The following ADGRG3 variants were observed in gnomAD, a reference collection of about 807,000 sequenced individuals.
The protein encoded by ADGRG3 is G protein-coupled receptor 97.
ADGRG3 carries 39 observed loss-of-function variants against 54.3 expected under a neutral mutation model. That is an observed-to-expected ratio of 0.72 (90% CI 0.56 to 0.94). ADGRG3 has a LOEUF of 0.94. ADGRG3 is among the 40% of genes least tolerant of loss of function. The pLI is 0.00. For synonymous variants in ADGRG3, 312 were observed against 290.0 expected (o/e 1.08, Z -0.77); for missense variants, 654 against 694.6 (o/e 0.94, Z 0.66).
chr16:57,669,005 C>T (rs988934641), intron 1 of ADGRG3, among the ~76,000 whole-genome samples: 1 of 152,344 alleles, frequency 6.6e-6, no homozygotes, highest in South Asian at 2.1e-4. Context: ...TGGAAGTGCC[C>T]GGGCCTTGCC....
chr16:57,671,149 TC>T (rs1450709164), intron 1 of ADGRG3, among the ~76,000 whole-genome samples: 1 of 152,078 alleles, frequency 6.6e-6, no homozygotes, highest in Non-Finnish European at 1.5e-5. Context: ...GAAATAAGAT[TC>T]AATGTCATCC....
At chr16:57,666,033 G>A (rs2048050322), upstream of ADGRG3, among the ~76,000 whole-genome samples, 1 of 142,464 alleles carries the variant, frequency 7.0e-6, no homozygotes, top group Non-Finnish European at 1.5e-5. Context: ...TATGCCCCCA[G>A]CTCCAAAGGA....
At chr16:57,666,188 G>A (rs909252044), upstream of ADGRG3, among the ~76,000 whole-genome samples, 1 of 152,156 alleles carries the variant, frequency 6.6e-6, no homozygotes, top group Admixed American at 6.5e-5. Context: ...CTAGGTCCTG[G>A]GATGGGGGTT....
Position 57,668,463 on chromosome 16 carries a change from G to T in ADGRG3, c.58+58G>T, listed in dbSNP as rs1214134510. On this transcript the variant is annotated intron_variant, in intron 1 of 11. Coordinates refer to ENST00000333493, the MANE Select transcript of ADGRG3 (RefSeq NM_170776.5). Reference sequence around the variant, plus strand: ...CGCTGGGCCGACCCTGCCCTGCCGAGGGAGGGATCCAGGGACAGACGCAGG... The same window carrying T: ...CGCTGGGCCGACCCTGCCCTGCCGATGGAGGGATCCAGGGACAGACGCAGG... 7 of 1,456,674 alleles carry T rather than the reference G, an allele frequency of 4.8e-6. No individual in the cohort carries two copies. In the African/African-American group the frequency reaches 6.9e-5, roughly 14 times the overall value. The allele number at this position is 1,456,674 out of a possible 1,614,324, so 90.2% of individuals were successfully genotyped here.
Position 57,688,753 on chromosome 16 carries a change from T to A in ADGRG3, c.*292T>A. On this transcript the variant is annotated 3_prime_UTR_variant, in exon 12 of 12. Coordinates refer to ENST00000333493, the MANE Select transcript of ADGRG3 (RefSeq NM_170776.5). ...ATGCCCTGCCCTCATTGCAAAGCCC[T>A]CACTCACCTTCTGGTCTCAGCAAGG... 3.1e-6 allele frequency: 1 copy of A among 327,070 alleles called. No homozygotes were observed. The highest frequency in any genetic ancestry group is 5.8e-6 in the Non-Finnish European group (1 of 171,524). 20.3% of individuals were successfully genotyped at this position (327,070 alleles called of 1,614,324 possible). A position where few individuals can be genotyped will look rare whatever the true frequency, so the allele number is the denominator to read the frequency against.
intron 4 of ADGRG3, chr16:57,678,572 C>A: frequency 1.8e-6 from 1 of 544,172 alleles, no homozygotes; most frequent in East Asian, 3.1e-5. Flanking sequence ...TCTATGTGTC[C>A]TGTGGGTGCT....
In ADGRG3 at chr16:57,685,522, G is replaced by T. The variant is rs75814768; in HGVS notation, c.1257-121G>T. ...CCCCTCCCACAGCGGGAGAGCCAGG[G>T]ATTGATGGGTGGAAATGGGAGAGGC... On this transcript the variant is annotated intron_variant, in intron 10 of 11. Transcript: ENST00000333493. 1.2e-3 allele frequency: 1,154 copies of T among 942,198 alleles called. 20 individuals are homozygous for T. In the African/African-American group the frequency reaches 0.017, roughly 14 times the overall value. 58.4% of individuals were successfully genotyped at this position (942,198 alleles called of 1,614,324 possible). A position where few individuals can be genotyped will look rare whatever the true frequency, so the allele number is the denominator to read the frequency against.
At chr16:57,671,271 AG>A (rs2048151075) in intron 1 of ADGRG3, among the ~76,000 whole-genome samples, 1 of 150,126 alleles carries the variant, frequency 6.7e-6, no homozygotes, top group Admixed American at 6.6e-5. Flanking sequence ...CATTTTCTGG[AG>A]GGAAATTCAA....
At chr16:57,669,694 G>A (rs531635657) in intron 1 of ADGRG3, among the ~76,000 whole-genome samples, 15 of 152,144 alleles carry the variant, frequency 9.9e-5, no homozygotes, top group Middle Eastern at 3.4e-3. Context: ...CTCCATTTGC[G>A]CATTCATTCA....
upstream of ADGRG3, chr16:57,668,160 C>A: frequency 3.4e-6 from 2 of 594,698 alleles, no homozygotes; most frequent in Admixed American, 5.9e-5. Flanking sequence ...ACTGGGAGCA[C>A]TGCCCAGTTC....
rs1231824970 is a variant in ADGRG3, at chr16:57,679,047, G to T, written c.493-130G>T. 1.0e-5 allele frequency: 11 copies of T among 1,063,268 alleles called. No homozygotes were observed. The Admixed American group carries it at 2.1e-4, about 21-fold the overall frequency. The allele number at this position is 1,063,268 out of a possible 1,614,324, so 65.9% of individuals were successfully genotyped here. A position where few individuals can be genotyped will look rare whatever the true frequency, so the allele number is the denominator to read the frequency against. ...GCTGCCTGTGACTCCTTGGCTCCCT[G>T]GTCCCCTGGTCTCGAACTCTGCCCT... On this transcript the variant is annotated intron_variant, in intron 4 of 11. Transcript: ENST00000333493.
At chr16:57,671,720 G>A (rs1048079909) in intron 1 of ADGRG3, among the ~76,000 whole-genome samples, 1 of 152,164 alleles carries the variant, frequency 6.6e-6, no homozygotes, top group Non-Finnish European at 1.5e-5. Flanking sequence ...AACACAAGCT[G>A]AAAAGATGCA....
chr16:57,682,709 G>T lies in ADGRG3; in HGVS notation c.882-1223G>T, dbSNP rs1319416990. 7 of 885,616 alleles carry T rather than the reference G, an allele frequency of 7.9e-6. No individual in the cohort carries two copies. The African/African-American group carries it at 1.3e-4, about 16-fold the overall frequency. The allele number at this position is 885,616 out of a possible 1,614,324, so 54.9% of individuals were successfully genotyped here. Reference sequence around the variant, plus strand: ...CTGAGAGCCCTTTTGGATCTGGTTTGCTAAGAATTCAGAGTGGGGGCTCCA... The same window carrying T: ...CTGAGAGCCCTTTTGGATCTGGTTTTCTAAGAATTCAGAGTGGGGGCTCCA... On this transcript the variant is annotated intron_variant, in intron 8 of 11. Transcript: ENST00000333493.
chr16:57,670,716 G>A (rs1170331513), intron 1 of ADGRG3, among the ~76,000 whole-genome samples: 2 of 151,876 alleles, frequency 1.3e-5, no homozygotes, highest in African/African-American at 4.8e-5. Flanking sequence ...TATCTAAAAC[G>A]AATTATCACA....
chr16:57,667,114 G>A (rs56043543), upstream of ADGRG3, among the ~76,000 whole-genome samples: 1,352 of 152,304 alleles, frequency 8.9e-3, 25 homozygotes, highest in African/African-American at 0.031. Flanking sequence ...ATTCCCACCT[G>A]CTCCCACACC....
chr16:57,667,413 T>A (rs2048078772), upstream of ADGRG3, among the ~76,000 whole-genome samples: 1 of 152,260 alleles, frequency 6.6e-6, no homozygotes, highest in Non-Finnish European at 1.5e-5. Flanking sequence ...GGCGCCCTAA[T>A]TCCTTTAGGC....
At chr16:57,666,149 G>A (rs1351641632), upstream of ADGRG3, among the ~76,000 whole-genome samples, 1 of 152,188 alleles carries the variant, frequency 6.6e-6, no homozygotes, top group Non-Finnish European at 1.5e-5. Context: ...GTCTCCGTGA[G>A]GGGGGTCTCT....
chr16:57,669,118 G>A (rs912297374), intron 1 of ADGRG3, among the ~76,000 whole-genome samples: 2 of 152,094 alleles, frequency 1.3e-5, no homozygotes, highest in Non-Finnish European at 2.9e-5. Context: ...CAACCCTCTC[G>A]GACAGAGGGA....
Position 57,688,742 on chromosome 16 carries a change from T to G in ADGRG3, c.*281T>G. On this transcript the variant is annotated 3_prime_UTR_variant, in exon 12 of 12. Coordinates refer to ENST00000333493, the MANE Select transcript of ADGRG3 (RefSeq NM_170776.5). ...CAGTCACCTCCATGCCCTGCCCTCA[T>G]TGCAAAGCCCTCACTCACCTTCTGG... 2 of 358,546 alleles carry G rather than the reference T, an allele frequency of 5.6e-6. No homozygotes were observed. Among genetic ancestry groups the G allele is most frequent in the Non-Finnish European group, 5.2e-6 (1 of 190,500 alleles). 22.2% of individuals were successfully genotyped at this position (358,546 alleles called of 1,614,324 possible).
Sources: gnomAD v4.1 joint callset for allele counts (sites outside exome capture counted in the v4.1 genomes callset) on GRCh38, gnomAD v4.1.1 for gene constraint, MANE v1.5 for transcripts, NCBI Gene and HGNC (gene_info 2026-07-23, HGNC 2026-07-21) for gene names.